Variants in RANBP17 observed in about 807,000 individuals in gnomAD.
RANBP17 encodes RAN binding protein 17, also known as ran-binding protein 17.
A neutral mutation model predicts 141.2 loss-of-function variants in RANBP17; 158 were observed. The ratio of observed to expected loss-of-function variants is 1.12; its 90% confidence interval spans 0.98 to 1.28. RANBP17 has a LOEUF of 1.28. Ranked by LOEUF, RANBP17 falls within the 50% of genes most tolerant of loss-of-function variation. The pLI, the probability that RANBP17 is intolerant of heterozygous loss-of-function variation, is 0.00. For synonymous variants in RANBP17, 430 were observed against 450.0 expected (o/e 0.96, Z 0.56); for missense variants, 1,438 against 1,290.7 (o/e 1.11, Z -1.75).
At chr5:170,894,084 C>T (rs1349227506) in intron 4 of RANBP17, among the ~76,000 whole-genome samples, 1 of 152,126 alleles carries the variant, frequency 6.6e-6, no homozygotes, top group African/African-American at 2.4e-5. Context: ...TAGAACTCCA[C>T]AGGAATAAGT....
At chr5:170,909,261 C>T (rs1200484730) in intron 5 of RANBP17, among the ~76,000 whole-genome samples, 1 of 151,778 alleles carries the variant, frequency 6.6e-6, no homozygotes, top group African/African-American at 2.4e-5. Flanking sequence ...TCACTTTCAA[C>T]TAGAAGAATT....
chr5:171,157,175 CATT>C (rs1478406884), intron 14 of RANBP17, among the ~76,000 whole-genome samples: 1 of 152,138 alleles, frequency 6.6e-6, no homozygotes, highest in African/African-American at 2.4e-5. Flanking sequence ...TTTAGTAACA[CATT>C]ATGATAATTG....
At chr5:171,069,219 A>G (rs963182580) in intron 14 of RANBP17, among the ~76,000 whole-genome samples, 11 of 152,174 alleles carry the variant, frequency 7.2e-5, no homozygotes, top group African/African-American at 2.4e-4. Flanking sequence ...GGCAGATTCA[A>G]ATATACAACT....
intron 21 of RANBP17, among the ~76,000 whole-genome samples, chr5:171,215,544 T>A (rs1342981808): frequency 6.6e-6 from 1 of 152,188 alleles, no homozygotes. Context: ...TTCCTGTTTC[T>A]CCACAGCCTG....
chr5:171,021,062 G>C (rs1169585633), intron 14 of RANBP17, among the ~76,000 whole-genome samples: 1 of 152,146 alleles, frequency 6.6e-6, no homozygotes, highest in Non-Finnish European at 1.5e-5. Flanking sequence ...GAAATTCTGG[G>C]TTGAAAATTC....
intron 3 of RANBP17, among the ~76,000 whole-genome samples, chr5:170,891,474 C>T (rs140261002): frequency 5.3e-5 from 8 of 152,182 alleles, no homozygotes; most frequent in African/African-American, 1.9e-4. Context: ...TTCAGTTGGC[C>T]TGTATATTAG....
At chr5:171,024,189 T>C (rs1781080273) in intron 14 of RANBP17, among the ~76,000 whole-genome samples, 2 of 152,080 alleles carry the variant, frequency 1.3e-5, no homozygotes, top group African/African-American at 4.8e-5. Flanking sequence ...TTTAAGATAA[T>C]AGAGAATCTG....
chr5:170,924,405 G>T lies in RANBP17; in HGVS notation c.1323G>T (p.Gln441His). ...ATGATACTGCCACTGTGTTTCAGCA[G>T]TTGGAGCAGTTGTGCACGGTCAGCA... ...PLDDTATVFQ[Q>H]LEQLCTVSRC... The change falls in exon 12 of 28, where the codon CAG (glutamine) becomes CAT (histidine). Residue 441 changes from glutamine to histidine, a missense_variant. Gln to His is a conservative substitution (Grantham distance 24). Transcript: ENST00000523189. 6.2e-7 allele frequency: 1 copy of T among 1,608,362 alleles called. No homozygotes were observed. Among genetic ancestry groups the T allele is most frequent in the Non-Finnish European group, 8.5e-7 (1 of 1,175,434 alleles).
chr5:171,134,486 A>G (rs762035440), intron 14 of RANBP17, among the ~76,000 whole-genome samples: 2 of 152,174 alleles, frequency 1.3e-5, no homozygotes, highest in Non-Finnish European at 2.9e-5. Context: ...AGTTGTGGGA[A>G]ATGTCTCTGA....
chr5:171,284,497 G>T (rs1357224493), intron 25 of RANBP17: 1 of 151,660 alleles, frequency 6.6e-6, no homozygotes. Context: ...GCTAATTTTT[G>T]TATTTTTTTG....
intron 14 of RANBP17, among the ~76,000 whole-genome samples, chr5:170,997,705 A>G (rs1049958177): frequency 2.6e-5 from 4 of 152,188 alleles, no homozygotes; most frequent in Admixed American, 1.3e-4. Flanking sequence ...ACTCACATCT[A>G]TCATTAGGGA....
At chr5:170,932,782 T>G (rs1180318030) in intron 12 of RANBP17, among the ~76,000 whole-genome samples, 4 of 152,192 alleles carry the variant, frequency 2.6e-5, no homozygotes, top group Admixed American at 1.3e-4. Flanking sequence ...GTGGATAAGC[T>G]TTTTGATGTG....
intron 2 of RANBP17, among the ~76,000 whole-genome samples, chr5:170,878,552 A>T (rs953100235): frequency 2.0e-4 from 31 of 152,148 alleles, no homozygotes; most frequent in African/African-American, 7.5e-4. Flanking sequence ...CTAACAACTT[A>T]AAAAAATCTA....
rs536162219 is a variant in RANBP17, at chr5:171,195,200, G to GA, written c.2039-4463dup. 1.3e-4 allele frequency among the ~76,000 whole-genome samples: 20 copies of GA among 151,960 alleles called. No individual in the cohort carries two copies. The East Asian group carries it at 3.3e-3, about 25-fold the overall frequency. On this transcript the variant is annotated intron_variant, in intron 18 of 27. Coordinates refer to ENST00000523189, the MANE Select transcript of RANBP17 (RefSeq NM_022897.5). The stretch of plus-strand genomic sequence containing the variant: ...GGTTTCTGTACCTTTGTCTTATTAA[G>GA]AAAAAAACTAACAGCTTCAATTATT...
chr5:171,221,446 A>G (rs897818423), intron 21 of RANBP17, among the ~76,000 whole-genome samples: 1 of 152,214 alleles, frequency 6.6e-6, no homozygotes, highest in Non-Finnish European at 1.5e-5. Flanking sequence ...ATTATTATCC[A>G]TCATCCAGTT....
At chr5:170,955,544 GCTCAGTCTGTGTATA>G (rs1212184396) in intron 13 of RANBP17, among the ~76,000 whole-genome samples, 24 of 57,720 alleles carry the variant, frequency 4.2e-4, no homozygotes, top group Non-Finnish European at 6.6e-4. Flanking sequence ...ATATATATAT[GCTCAGTCTGTGTATA>G]TATATATATG....
intron 22 of RANBP17, among the ~76,000 whole-genome samples, chr5:171,229,166 A>G (rs1044417432): frequency 5.9e-5 from 9 of 152,230 alleles, no homozygotes. Context: ...GGAACTATGG[A>G]TATGGTCTTC....
intron 14 of RANBP17, among the ~76,000 whole-genome samples, chr5:170,979,726 T>C (rs951856330): frequency 6.6e-6 from 1 of 152,248 alleles, no homozygotes; most frequent in African/African-American, 2.4e-5. Flanking sequence ...CCCAACCATA[T>C]GGAACTGTAA....
In RANBP17 at chr5:171,238,252, C is replaced by T. The variant is rs149034890; in HGVS notation, c.2423-2676C>T. On this transcript the variant is annotated intron_variant, in intron 22 of 27. Coordinates refer to ENST00000523189, the MANE Select transcript of RANBP17 (RefSeq NM_022897.5). ...TACTGCTCAAGGTCATCACCAAGGT[C>T]TGATTTTTCACACAAAAAAATTTGC... 4.8e-3 allele frequency among the ~76,000 whole-genome samples: 733 copies of T among 152,258 alleles called. 4 individuals carry two copies. Among genetic ancestry groups the T allele is most frequent in the African/African-American group, 0.017 (715 of 41,546 alleles).
Sources: allele counts gnomAD v4.1 joint callset (sites outside exome capture counted in the v4.1 genomes callset), GRCh38; gene constraint gnomAD v4.1.1; transcripts MANE v1.5; gene names NCBI Gene and HGNC (gene_info 2026-07-23, HGNC 2026-07-21).